SGCD: variants seen among roughly 807,000 people sequenced by gnomAD.
SGCD encodes delta-sarcoglycan.
Under a neutral mutation model 36.6 loss-of-function variants are expected in SGCD, and 18 were observed. That is an observed-to-expected ratio of 0.49 (90% CI 0.34 to 0.73). The LOEUF (loss-of-function observed/expected upper bound fraction) is 0.73, where lower values mean the gene tolerates loss of function less well. Ranked by LOEUF, SGCD falls within the 30% of genes least tolerant of loss-of-function variation. The pLI, the probability that SGCD is intolerant of heterozygous loss-of-function variation, is 0.01. For missense variants in SGCD, 387 were observed against 346.7 expected, an observed-to-expected ratio of 1.12 and a Z score of -0.92; for synonymous variants, 133 against 130.6, an observed-to-expected ratio of 1.02 and a Z score of -0.12.
intron 4 of SGCD, among the ~76,000 whole-genome samples, chr5:156,566,253 A>G (rs909269493): frequency 6.6e-6 from 1 of 152,154 alleles, no homozygotes; most frequent in Admixed American, 6.6e-5. Context: ...AATAAATTCA[A>G]TTTTTTAAAA....
At chr5:156,096,345 G>A (rs940037940) in intron 1 of SGCD, among the ~76,000 whole-genome samples, 3 of 152,240 alleles carry the variant, frequency 2.0e-5, no homozygotes, top group African/African-American at 4.8e-5. Context: ...TGTGGTGGAA[G>A]GAAAGTGACT....
chr5:156,547,506 G>A (rs905727848), intron 4 of SGCD, among the ~76,000 whole-genome samples: 2 of 151,146 alleles, frequency 1.3e-5, no homozygotes, highest in Admixed American at 6.6e-5. Context: ...GCAGTGGTGC[G>A]ATCCCTGCTC....
At chr5:155,962,015 T>A (rs1252909307) in intron 1 of SGCD, among the ~76,000 whole-genome samples, 2 of 152,070 alleles carry the variant, frequency 1.3e-5, no homozygotes, top group Non-Finnish European at 1.5e-5. Flanking sequence ...GTGCTACGCA[T>A]CAAATGCTTT....
chr5:156,451,762 A>T (rs1489685866), intron 3 of SGCD, among the ~76,000 whole-genome samples: 8 of 152,326 alleles, frequency 5.3e-5, no homozygotes, highest in African/African-American at 1.9e-4. Context: ...AATATGGTAC[A>T]GGCAATTACT....
chr5:156,139,869 C>G (rs955687667), intron 3 of SGCD, among the ~76,000 whole-genome samples: 1 of 152,166 alleles, frequency 6.6e-6, no homozygotes, highest in Non-Finnish European at 1.5e-5. Context: ...TGGGAGGTGA[C>G]TAAATCATGA....
intron 3 of SGCD, among the ~76,000 whole-genome samples, chr5:156,424,618 C>A (rs889376858): frequency 2.6e-5 from 4 of 151,918 alleles, no homozygotes; most frequent in Non-Finnish European, 5.9e-5. Flanking sequence ...TTATTGCATG[C>A]GTTTTTATTT....
In SGCD at chr5:156,344,657, A is replaced by T; in HGVS notation, c.172A>T (p.Lys58Ter). ...CTTGGCCATGACCATCTGGATTCTC[A>T]AAGTCATGAACTTCACAATTGTAAG... The part of the protein sequence containing the change: ...VNLAMTIWIL[K>*]VMNFTIDGMG... The change falls in exon 3 of 9, where the codon AAA (lysine) becomes TAA (stop). Residue 58 changes from lysine (K) to a stop codon, truncating the protein, a stop_gained. Transcript: ENST00000337851. LOFTEE classifies it high-confidence loss of function. 1 of 1,605,564 alleles carries T rather than the reference A, an allele frequency of 6.2e-7. No individual in the cohort carries two copies.
the SGCD span, among the ~76,000 whole-genome samples, chr5:155,763,862 CCTCTCT>C: frequency 1.3e-4 from 19 of 148,290 alleles, no homozygotes; most frequent in Admixed American, 2.7e-4. Flanking sequence ...CAATTATATA[CCTCTCT>C]CTCTCTCTCT....
chr5:156,474,655 A>T (rs1755106311), intron 3 of SGCD, among the ~76,000 whole-genome samples: 1 of 152,214 alleles, frequency 6.6e-6, no homozygotes, highest in Non-Finnish European at 1.5e-5. Flanking sequence ...ATTGAAGCAG[A>T]AACCAATCTA....
At chr5:156,445,239 G>T (rs1157399793) in intron 3 of SGCD, among the ~76,000 whole-genome samples, 1 of 151,996 alleles carries the variant, frequency 6.6e-6, no homozygotes, top group African/African-American at 2.4e-5. Context: ...TGTATACATT[G>T]TACACTGATA....
At position 156,219,891 on chromosome 5, in the gene SGCD, C is replaced by T. The variant is rs867953160; in HGVS notation, c.-44+95872C>T. Among the ~76,000 whole-genome samples, 9 of 152,130 alleles carry T rather than the reference C, an allele frequency of 5.9e-5. No individual in the cohort carries two copies. The South Asian group carries it at 1.0e-3, about 18-fold the overall frequency. ...GCAGAGGCAGAATTCACAAAAATAC[C>T]AGGACAGCTGCTGCACATTTTGTAT... On this transcript the variant is annotated intron_variant, in intron 3 of 9. Coordinates refer to the SGCD transcript ENST00000517913.
chr5:156,391,870 G>A (rs62380727), intron 3 of SGCD, among the ~76,000 whole-genome samples: 29,611 of 152,114 alleles, frequency 0.19, 2,949 homozygotes, highest in Middle Eastern at 0.27. Context: ...AATTTTGGAC[G>A]AGAATAAACT....
chr5:156,147,648 A>G (rs969978680), intron 3 of SGCD, among the ~76,000 whole-genome samples: 5 of 152,248 alleles, frequency 3.3e-5, no homozygotes, highest in South Asian at 2.1e-4. Context: ...TAATGCAGAA[A>G]CAAGAAATTA....
At chr5:156,084,083 A>G (rs1410674814) in intron 1 of SGCD, among the ~76,000 whole-genome samples, 2 of 152,210 alleles carry the variant, frequency 1.3e-5, no homozygotes, top group Non-Finnish European at 2.9e-5. Context: ...AGTCAAGAAC[A>G]TATGTCTTTT....
intron 4 of SGCD, among the ~76,000 whole-genome samples, chr5:156,581,651 G>A (rs1424653668): frequency 6.6e-6 from 1 of 152,178 alleles, no homozygotes. Flanking sequence ...CCCCTGCCAG[G>A]CTGCTGCCTC....
the SGCD span, among the ~76,000 whole-genome samples, chr5:155,760,070 C>T: frequency 2.0e-5 from 3 of 152,074 alleles, no homozygotes; most frequent in Admixed American, 1.3e-4. Flanking sequence ...TCATCATCAC[C>T]CTCTCCATCA....
chr5:156,740,605 G>T (rs544601906), intron 7 of SGCD, among the ~76,000 whole-genome samples: 7 of 152,216 alleles, frequency 4.6e-5, no homozygotes, highest in Admixed American at 2.0e-4. Flanking sequence ...TTAGCTATTG[G>T]GGTTTTAACT....
intron 3 of SGCD, among the ~76,000 whole-genome samples, chr5:156,426,194 C>G (rs963993827): frequency 3.3e-5 from 5 of 151,990 alleles, no homozygotes; most frequent in Non-Finnish European, 7.4e-5. Flanking sequence ...AAAGGAGTTC[C>G]CTTTGCACCA....
rs776733082 is a variant in SGCD at position 156,013,024 on chromosome 5, GT to G, written c.-281-104840del. 5.4e-3 allele frequency among the ~76,000 whole-genome samples: 737 copies of G among 137,376 alleles called. 2 individuals carry two copies. Among genetic ancestry groups the G allele is most frequent in the African/African-American group, 0.017 (632 of 37,536 alleles). The allele number at this position is 137,376 out of a possible 152,430, so 90.1% of individuals were successfully genotyped here. A position where few individuals can be genotyped will look rare whatever the true frequency, so the allele number is the denominator to read the frequency against. ...TTTCCATATAGCTGGACATTTAGGT[GT>G]TTTTTTTTTTTTTCTTTTGTGATGG... On this transcript the variant is annotated intron_variant, in intron 1 of 9. Coordinates refer to the SGCD transcript ENST00000517913.
Sources: allele counts gnomAD v4.1 joint callset (sites outside exome capture counted in the v4.1 genomes callset), GRCh38; gene constraint gnomAD v4.1.1; transcripts MANE v1.5; gene names NCBI Gene and HGNC (gene_info 2026-07-23, HGNC 2026-07-21).